NRXN1: variants seen among roughly 807,000 people sequenced by gnomAD.
The protein encoded by NRXN1 is neurexin 1.
A neutral mutation model predicts 150.9 loss-of-function variants in NRXN1; 39 were observed. The observed-to-expected ratio is 0.26, with a 90% CI of 0.20 to 0.34. The LOEUF (loss-of-function observed/expected upper bound fraction) is 0.34. Among genes scored for constraint, NRXN1 ranks in the 10% least tolerant of loss-of-function variants. NRXN1 has a pLI of 1.00. For synonymous variants in NRXN1, 924 were observed against 757.0 expected (o/e 1.22, Z -3.62); for missense variants, 1,815 against 1,949.9 (o/e 0.93, Z 1.30).
At chr2:50,760,271 A>G (rs1189394783) in intron 5 of NRXN1, among the ~76,000 whole-genome samples, 1 of 151,886 alleles carries the variant, frequency 6.6e-6, no homozygotes, top group East Asian at 1.9e-4. Flanking sequence ...GAGTCTACAG[A>G]ACCTAGCCTC....
chr2:50,122,432 C>T (rs1384273319), intron 18 of NRXN1, among the ~76,000 whole-genome samples: 6 of 152,226 alleles, frequency 3.9e-5, no homozygotes, highest in Non-Finnish European at 8.8e-5. Flanking sequence ...AGCTGACTGG[C>T]CAGAAGCCCT....
At chr2:50,966,475 G>A (rs1471200258) in intron 2 of NRXN1, among the ~76,000 whole-genome samples, 1 of 151,660 alleles carries the variant, frequency 6.6e-6, no homozygotes, top group Non-Finnish European at 1.5e-5. Context: ...CATTTATTAG[G>A]CATGATGAGG....
intron 18 of NRXN1, among the ~76,000 whole-genome samples, chr2:50,112,788 T>TA (rs893598988): frequency 6.6e-6 from 1 of 151,944 alleles, no homozygotes; most frequent in Non-Finnish European, 1.5e-5. Flanking sequence ...TACATAAGAT[T>TA]AAAAAAATAA....
chr2:50,828,285 C>A (rs1670799283), intron 5 of NRXN1, among the ~76,000 whole-genome samples: 1 of 130,912 alleles, frequency 7.6e-6, no homozygotes, highest in Admixed American at 7.4e-5. Flanking sequence ...ACCCCCCCCA[C>A]CTCCCTCCCG....
intron 5 of NRXN1, among the ~76,000 whole-genome samples, chr2:50,722,965 G>A (rs992614125): frequency 6.6e-6 from 1 of 152,004 alleles, no homozygotes; most frequent in Admixed American, 6.6e-5. Context: ...TCTCACACTT[G>A]GGATGCTGAG....
intron 5 of NRXN1, among the ~76,000 whole-genome samples, chr2:50,878,832 T>C (rs1679002133): frequency 6.6e-6 from 1 of 151,994 alleles, no homozygotes; most frequent in Admixed American, 6.6e-5. Context: ...AGGGATTCTC[T>C]ACAAGGTAGG....
intron 2 of NRXN1, among the ~76,000 whole-genome samples, chr2:50,934,524 T>C (rs989680745): frequency 8.5e-5 from 13 of 152,274 alleles, no homozygotes; most frequent in Middle Eastern, 3.4e-3. Flanking sequence ...TCCTTAGCCA[T>C]GTTCCACATG....
chr2:50,599,251 A>G (rs746787089), intron 8 of NRXN1, among the ~76,000 whole-genome samples: 2 of 152,204 alleles, frequency 1.3e-5, no homozygotes, highest in Non-Finnish European at 2.9e-5. Context: ...TACAGAGTTC[A>G]TGTAAGAAAT....
At position 50,347,612 on chromosome 2, in the gene NRXN1, A is replaced by G; in HGVS notation, c.3365-110642T>C. 2.0e-6 allele frequency: 2 copies of G among 1,007,600 alleles called. No homozygotes were observed. The highest frequency in any genetic ancestry group is 2.4e-6 in the Non-Finnish European group (2 of 843,430). The allele number at this position is 1,007,600 out of a possible 1,614,324, so 62.4% of individuals were successfully genotyped here. Reference sequence around the variant, plus strand: ...ATCTCCGCGTCCGCCGCCTCCTGACACTTACGCCCGGCGAGGGGTTCAGAG... The same window carrying G: ...ATCTCCGCGTCCGCCGCCTCCTGACGCTTACGCCCGGCGAGGGGTTCAGAG... On this transcript the variant is annotated intron_variant, in intron 17 of 22. Coordinates refer to ENST00000401669, the MANE Select transcript of NRXN1 (RefSeq NM_001330078.2). This position sits in a 1 kb window ranked among gnomAD's most constrained non-coding sequence, Gnocchi z 4.9.
chr2:50,556,626 G>T (rs1668301318), intron 8 of NRXN1, among the ~76,000 whole-genome samples: 1 of 151,614 alleles, frequency 6.6e-6, no homozygotes, highest in African/African-American at 2.4e-5. Context: ...ATGTTAATAT[G>T]CAAGAATAGG....
chr2:50,002,502 T>C (rs1684114133), intron 21 of NRXN1, among the ~76,000 whole-genome samples: 1 of 152,116 alleles, frequency 6.6e-6, no homozygotes, highest in South Asian at 2.1e-4. Context: ...GTGATAGTTG[T>C]TTTTCCAGCT....
chr2:50,424,495 G>A (rs374315562), intron 17 of NRXN1, among the ~76,000 whole-genome samples: 5 of 152,024 alleles, frequency 3.3e-5, no homozygotes, highest in East Asian at 3.9e-4. Context: ...TGAGTGCACC[G>A]GCTTAGAGAG....
intron 17 of NRXN1, among the ~76,000 whole-genome samples, chr2:50,297,427 C>T (rs962352572): frequency 3.3e-5 from 5 of 152,038 alleles, no homozygotes; most frequent in Non-Finnish European, 5.9e-5. Context: ...ATTGCCTGTA[C>T]CTTACAAGCA....
chr2:50,571,080 A>G (rs1197437087), intron 8 of NRXN1, among the ~76,000 whole-genome samples: 1 of 152,182 alleles, frequency 6.6e-6, no homozygotes, highest in Non-Finnish European at 1.5e-5. Context: ...CCTACACTGG[A>G]GGAAAAAATC....
intron 18 of NRXN1, among the ~76,000 whole-genome samples, chr2:50,138,325 A>C (rs1046937630): frequency 2.7e-5 from 4 of 150,764 alleles, no homozygotes; most frequent in Middle Eastern, 3.4e-3. Flanking sequence ...GACATTACAC[A>C]ATTATTCTGG....
chr2:50,894,059 A>G (rs1681516303), intron 5 of NRXN1, among the ~76,000 whole-genome samples: 1 of 151,898 alleles, frequency 6.6e-6, no homozygotes, highest in South Asian at 2.1e-4. Flanking sequence ...GCCACACAGG[A>G]AGGGGAACAT....
At chr2:50,604,595 C>A (rs1559006053) in intron 8 of NRXN1, among the ~76,000 whole-genome samples, 1 of 152,122 alleles carries the variant, frequency 6.6e-6, no homozygotes, top group Admixed American at 6.6e-5. Context: ...TTTCCTGTCT[C>A]GACTCTTATC....
chr2:49,926,008 G>A (rs1192773933), intron 22 of NRXN1, among the ~76,000 whole-genome samples: 2 of 152,178 alleles, frequency 1.3e-5, no homozygotes, highest in Non-Finnish European at 2.9e-5. Flanking sequence ...AAGGAACTCG[G>A]TTCAATGGAA....
At chr2:50,858,315 C>T (rs1033336172) in intron 5 of NRXN1, among the ~76,000 whole-genome samples, 1 of 152,046 alleles carries the variant, frequency 6.6e-6, no homozygotes, top group South Asian at 2.1e-4. Flanking sequence ...GAAGCACCAC[C>T]ATTGTCTCAC....
Sources: allele counts gnomAD v4.1 joint callset (sites outside exome capture counted in the v4.1 genomes callset), GRCh38; gene constraint gnomAD v4.1.1; non-coding constraint Gnocchi (gnomAD v3.1); transcripts MANE v1.5; gene names NCBI Gene and HGNC (gene_info 2026-07-23, HGNC 2026-07-21).